C12orf42: variants seen among roughly 807,000 people sequenced by gnomAD.
C12orf42 encodes the protein chromosome 12 open reading frame 42, also known as uncharacterized protein C12orf42.
Under a neutral mutation model 21.6 loss-of-function variants are expected in C12orf42, and 25 were observed. The ratio of observed to expected loss-of-function variants is 1.16; its 90% CI spans 0.84 to 1.62. C12orf42 has a LOEUF of 1.62. Among genes scored for constraint, C12orf42 ranks in the 40% most tolerant of loss-of-function variants. The probability of loss-of-function intolerance (pLI) is 0.00; values close to 1 mark genes in which losing one functional copy is unlikely to be tolerated. For synonymous variants in C12orf42, 174 were observed against 175.0 expected (o/e 0.99, Z 0.05); for missense variants, 483 against 459.3 (o/e 1.05, Z -0.47).
chr12:103,466,814 T>C (rs1052866541), intron 2 of C12orf42, among the ~76,000 whole-genome samples: 1 of 152,220 alleles, frequency 6.6e-6, no homozygotes, highest in Non-Finnish European at 1.5e-5. Context: ...AACACAAGCA[T>C]TGGCTTCAAG....
chr12:103,337,647 C>T (rs991577042), intron 4 of C12orf42, among the ~76,000 whole-genome samples: 2 of 152,146 alleles, frequency 1.3e-5, no homozygotes, highest in African/African-American at 4.8e-5. Context: ...CCACCATGCC[C>T]GGCCAAGGGG....
chr12:103,130,595 T>C, the C12orf42 span, among the ~76,000 whole-genome samples: 31 of 152,008 alleles, frequency 2.0e-4, no homozygotes, highest in African/African-American at 7.0e-4. Flanking sequence ...AGGGAGTAGG[T>C]TGTGGTTCAG....
chr12:103,226,854 G>A, the C12orf42 span, among the ~76,000 whole-genome samples: 16 of 152,258 alleles, frequency 1.1e-4, no homozygotes, highest in East Asian at 7.7e-4. Context: ...GGTTTGGGAC[G>A]AGTTGCACTG....
chr12:103,257,388 A>T (rs2047015566), intron 10 of C12orf42, among the ~76,000 whole-genome samples: 1 of 152,176 alleles, frequency 6.6e-6, no homozygotes, highest in South Asian at 2.1e-4. Context: ...GCCAATAAGG[A>T]GCTCAATATT....
At chr12:103,063,105 C>A in the C12orf42 span, among the ~76,000 whole-genome samples, 1 of 152,264 alleles carries the variant, frequency 6.6e-6, no homozygotes, top group South Asian at 2.1e-4. Flanking sequence ...TACATAATAC[C>A]TTTGACTATG....
At chr12:103,167,920 C>CTG in the C12orf42 span, 43 of 313,340 alleles carry the variant, frequency 1.4e-4, no homozygotes, top group Admixed American at 3.2e-4. Context: ...GTGTTTGTGT[C>CTG]TGTGTGTGTG....
rs114744654 is a variant in C12orf42 at position 103,414,418 on chromosome 12, A to G, written c.79-12743T>C. On this transcript the variant is annotated intron_variant, in intron 2 of 5. Transcript: ENST00000548883. ...CCAGATGCATAGAATCATTTTTCCA[A>G]TTCTGCAAAGAATAACATTGGTAGT... Among the ~76,000 whole-genome samples, 344 of 152,142 alleles carry G rather than the reference A, an allele frequency of 2.3e-3. 1 individual carries two copies. The highest frequency in any genetic ancestry group is 7.9e-3 in the African/African-American group (329 of 41,512).
the C12orf42 span, among the ~76,000 whole-genome samples, chr12:103,542,754 T>G: frequency 1.3e-5 from 2 of 152,246 alleles, no homozygotes; most frequent in Non-Finnish European, 2.9e-5. Flanking sequence ...CTTTTATGTG[T>G]GATCTTCATC....
chr12:103,545,728 G>T, the C12orf42 span, among the ~76,000 whole-genome samples: 3 of 152,298 alleles, frequency 2.0e-5, no homozygotes, highest in Non-Finnish European at 4.4e-5. Flanking sequence ...AGCTCTGGAT[G>T]ATAATGTACC....
chr12:103,135,209 C>T, the C12orf42 span, among the ~76,000 whole-genome samples: 2 of 152,150 alleles, frequency 1.3e-5, no homozygotes, highest in African/African-American at 2.4e-5. Context: ...AATCCCAGCA[C>T]TGTTGAAGAT....
At chr12:103,557,062 T>G in the C12orf42 span, among the ~76,000 whole-genome samples, 5 of 152,294 alleles carry the variant, frequency 3.3e-5, 1 homozygote, top group South Asian at 1.0e-3. Flanking sequence ...AAATTTGCTT[T>G]CCTTTAAGCC....
At chr12:103,447,321 C>T (rs961465663) in intron 2 of C12orf42, among the ~76,000 whole-genome samples, 30 of 151,938 alleles carry the variant, frequency 2.0e-4, no homozygotes, top group Middle Eastern at 3.4e-3. Flanking sequence ...CTATGACAAA[C>T]CCACAGCCAA....
intron 1 of C12orf42, among the ~76,000 whole-genome samples, chr12:103,490,212 A>C (rs1174028043): frequency 6.6e-6 from 1 of 152,200 alleles, no homozygotes; most frequent in Non-Finnish European, 1.5e-5. Context: ...TAAAATTTAA[A>C]TCTTAGTCTC....
intron 4 of C12orf42, among the ~76,000 whole-genome samples, chr12:103,294,720 T>C (rs919452293): frequency 1.6e-4 from 24 of 152,106 alleles, no homozygotes; most frequent in African/African-American, 5.6e-4. Context: ...CACAAAGACC[T>C]TGGACTCTGC....
chr12:103,069,329 T>C, the C12orf42 span, among the ~76,000 whole-genome samples: 1 of 152,178 alleles, frequency 6.6e-6, no homozygotes, highest in African/African-American at 2.4e-5. Flanking sequence ...CCTCAACTTA[T>C]GGTGTGGTTG....
intron 4 of C12orf42, among the ~76,000 whole-genome samples, chr12:103,357,103 C>T (rs2043648010): frequency 1.5e-5 from 2 of 132,906 alleles, no homozygotes; most frequent in African/African-American, 2.9e-5. Flanking sequence ...ACAATGAGAA[C>T]ACATGGACAC....
the C12orf42 span, among the ~76,000 whole-genome samples, chr12:103,522,529 C>T: frequency 6.6e-6 from 1 of 152,312 alleles, no homozygotes; most frequent in Non-Finnish European, 1.5e-5. Context: ...GCCAGCCATC[C>T]TGACACACGT....
the C12orf42 span, among the ~76,000 whole-genome samples, chr12:103,088,209 G>A: frequency 2.0e-5 from 3 of 152,214 alleles, no homozygotes; most frequent in Non-Finnish European, 4.4e-5. Context: ...GTACACTTCT[G>A]TGAAGATGGC....
chr12:103,234,434 G>T (rs2033406349), downstream of C12orf42, among the ~76,000 whole-genome samples: 2 of 151,942 alleles, frequency 1.3e-5, no homozygotes, highest in South Asian at 4.2e-4. Context: ...CTGAGGAAAG[G>T]GTTCTTAGTA....
Sources: allele counts gnomAD v4.1 joint callset (sites outside exome capture counted in the v4.1 genomes callset), GRCh38; gene constraint gnomAD v4.1.1; transcripts MANE v1.5; gene names NCBI Gene and HGNC (gene_info 2026-07-23, HGNC 2026-07-21).